Variants in IL16 observed in about 807,000 individuals in gnomAD.
IL16 encodes pro-interleukin-16.
In IL16, 67 loss-of-function variants were observed where a neutral mutation model predicts 110.1. That is an observed-to-expected ratio of 0.61 (90% CI 0.50 to 0.75). IL16 has a LOEUF of 0.75. IL16 is among the 30% of genes least tolerant of loss of function. IL16 has a pLI of 0.00. For missense variants in IL16, 1,545 were observed against 1,655.0 expected (o/e 0.93, Z 1.15); for synonymous variants, 689 against 662.9 (o/e 1.04, Z -0.61).
intron 2 of IL16, 128 bp from the exon 3 acceptor site, chr15:81,259,644 T>C: frequency 1.6e-6 from 1 of 629,792 alleles, no homozygotes; most frequent in Non-Finnish European, 2.9e-6. Context: ...GCTCTTATAG[T>C]ACTTATCATT....
At chr15:81,255,601 G>C (rs1295203348) in intron 2 of IL16, among the ~76,000 whole-genome samples, 2 of 152,200 alleles carry the variant, frequency 1.3e-5, no homozygotes, top group African/African-American at 4.8e-5. Context: ...GCTGTTCCCA[G>C]GTGCCATGGA....
rs960200674 is a variant in IL16, at chr15:81,314,045, G to A, written c.*5247G>A. ...AAAAATAGTTTTTTAAAATAAAAAT[G>A]TTATCTATGTTAACATGCAGTGCAT... is the stretch of plus-strand genomic sequence containing the variant. On this transcript the variant is annotated 3_prime_UTR_variant, in exon 19 of 19. Coordinates refer to ENST00000683961, the MANE Select transcript of IL16 (RefSeq NM_172217.5). The A allele has an allele frequency of 6.6e-6, 1 of 152,130 alleles. No individual in the cohort carries two copies. The highest frequency in any genetic ancestry group is 1.5e-5 in the Non-Finnish European group (1 of 67,992). 9.4% of individuals were successfully genotyped at this position (152,130 alleles called of 1,614,324 possible). A position where few individuals can be genotyped will look rare whatever the true frequency, so the allele number is the denominator to read the frequency against.
rs202027860 is a variant in IL16, at chr15:81,303,650, G to A, written c.3420G>A (p.Thr1140=). The change falls in exon 16 of 19, where the codon ACG becomes ACA. Residue 1140 remains threonine, a splice_region_variant and synonymous_variant. Coordinates refer to ENST00000683961, the MANE Select transcript of IL16 (RefSeq NM_172217.5). This position sits in a 1 kb window ranked among gnomAD's most constrained non-coding sequence, Gnocchi z 4.1. ...CAGATCTAGAAAACAAGGTGATTAC[G>A]GTGAGTGGCCAAGTGAAGGGGCATG... ...GGADLENKVI[T]VHRVFPNGLA... 35 of 1,600,264 alleles carry A rather than the reference G, an allele frequency of 2.2e-5. No homozygotes were observed. The highest frequency in any genetic ancestry group is 2.9e-5 in the Non-Finnish European group (34 of 1,167,478).
chr15:81,255,884 A>G (rs1407749554), intron 2 of IL16, among the ~76,000 whole-genome samples: 2 of 152,238 alleles, frequency 1.3e-5, no homozygotes, highest in African/African-American at 4.8e-5. Flanking sequence ...AGAGGATTAA[A>G]AGAAAGATGT....
At chr15:81,188,219 G>T (rs1720974465) in intron 1 of IL16, 1 of 417,778 alleles carries the variant, frequency 2.4e-6, no homozygotes, top group African/African-American at 2.0e-5. Context: ...GCACAAAATA[G>T]ATTGCAGGTA....
At chr15:81,261,711 A>C (rs1898164468) in intron 3 of IL16, among the ~76,000 whole-genome samples, 1 of 151,926 alleles carries the variant, frequency 6.6e-6, no homozygotes. Flanking sequence ...CAGAATCCCA[A>C]CTGAGTGTGC....
chr15:81,236,002 T>G (rs1274505522), intron 2 of IL16, among the ~76,000 whole-genome samples: 1 of 152,078 alleles, frequency 6.6e-6, no homozygotes, highest in African/African-American at 2.4e-5. Flanking sequence ...AGAGCTGCCC[T>G]CCTAAAAAGA....
At chr15:81,236,770 A>T (rs543597078) in intron 2 of IL16, among the ~76,000 whole-genome samples, 267 of 140,832 alleles carry the variant, frequency 1.9e-3, no homozygotes, top group Admixed American at 4.5e-3. Flanking sequence ...AGCCTGGCCA[A>T]CATGGCAAAA....
chr15:81,227,159 A>G (rs866061597), intron 2 of IL16, among the ~76,000 whole-genome samples: 54 of 152,250 alleles, frequency 3.5e-4, no homozygotes, highest in Admixed American at 2.0e-3. Flanking sequence ...TCCTTCCTTC[A>G]TTCAGTAAAT....
chr15:81,301,692 C>A (rs1900295600), intron 15 of IL16, among the ~76,000 whole-genome samples, 180 bp downstream of exon 15: 1 of 152,198 alleles, frequency 6.6e-6, no homozygotes, highest in Admixed American at 6.5e-5. Flanking sequence ...TTGAAGAGAG[C>A]CTTTTAGCTT....
rs1236768105 is a variant in IL16 at position 81,265,695 on chromosome 15, C to T, written c.458C>T (p.Pro153Leu). The change falls in exon 4 of 19, where the codon CCA (proline) becomes CTA (leucine). Residue 153 changes from proline (P) to leucine (L), a missense_variant. Pro to Leu is a moderately conservative substitution (Grantham distance 98). Around this residue, in one of 3 missense-constraint regions of IL16, gnomAD observed 1,185 missense variants for 1,238.8 expected, o/e 0.96. Coordinates refer to ENST00000683961, the MANE Select transcript of IL16 (RefSeq NM_172217.5). ...TATTGCACAAGAGAAATTGATTTTC[C>T]AATGACCAAGAAATCTGCAGCGCCC... ...NPYCTREIDF[P>L]MTKKSAAPTD... 6.2e-7 allele frequency: 1 copy of T among 1,614,104 alleles called. No individual in the cohort carries two copies.
At position 81,282,758 on chromosome 15, in the gene IL16, T is replaced by G; in HGVS notation, c.1199+2T>G. 6.2e-7 allele frequency: 1 copy of G among 1,601,300 alleles called. No homozygotes were observed. The highest frequency in any genetic ancestry group is 1.1e-5 in the South Asian group (1 of 90,824). Reference sequence around the variant, plus strand: ...GGCGCACCTGGACGGACGTCTCCGGTATGTCCTCACTTCTGTTTCTGAATA... The same window carrying G: ...GGCGCACCTGGACGGACGTCTCCGGGATGTCCTCACTTCTGTTTCTGAATA... On this transcript the variant is annotated splice_donor_variant, in intron 9 of 18. Transcript: ENST00000683961. LOFTEE classifies it high-confidence loss of function.
intron 1 of IL16, among the ~76,000 whole-genome samples, chr15:81,203,145 A>C (rs9673004): frequency 1.0e-3 from 139 of 138,782 alleles, no homozygotes; most frequent in African/African-American, 2.9e-3. Flanking sequence ...GTCTGTTCAT[A>C]TCCTTCACCC....
intron 2 of IL16, among the ~76,000 whole-genome samples, chr15:81,247,075 C>CCTTTTTTTTTTTTTTTTTTTTTTT (rs1491183966): frequency 1.8e-5 from 2 of 109,412 alleles, no homozygotes; most frequent in East Asian, 2.7e-4. Context: ...CTTTTCTTTT[C>CCTTTTTTTTTTTTTTTTTTTTTTT]CTTTTTTTTT....
At chr15:81,298,161 T>C (rs1007354432) in intron 13 of IL16, among the ~76,000 whole-genome samples, 3 of 152,232 alleles carry the variant, frequency 2.0e-5, no homozygotes, top group Non-Finnish European at 4.4e-5. Flanking sequence ...CATTCAAAAA[T>C]GCAGAAACAG....
At chr15:81,209,197 C>A (rs1482255164) in intron 1 of IL16, among the ~76,000 whole-genome samples, 1 of 152,106 alleles carries the variant, frequency 6.6e-6, no homozygotes, top group Non-Finnish European at 1.5e-5. Flanking sequence ...CAAACCAGAT[C>A]ATTCTTATTT....
intron 18 of IL16, 97 bp downstream of exon 18, chr15:81,306,642 C>T (rs1410007236): frequency 7.0e-7 from 1 of 1,432,042 alleles, no homozygotes; most frequent in Non-Finnish European, 9.7e-7. Context: ...TATGTTGTTT[C>T]CCACAACTCC....
At chr15:81,299,204 C>T in intron 13 of IL16, 176 bp from the exon 14 acceptor site, 1 of 965,636 alleles carries the variant, frequency 1.0e-6, no homozygotes, top group Non-Finnish European at 1.7e-6. Context: ...TCACTCCTGC[C>T]TGTTGGCAGC....
rs1900196074 is a variant in IL16, at chr15:81,300,087, G to C, written c.2761G>C (p.Glu921Gln). The C allele has an allele frequency of 1.3e-6, 2 of 1,578,982 alleles. No individual in the cohort carries two copies. The highest frequency in any genetic ancestry group is 4.5e-5 in the East Asian group (2 of 44,700). Residue 921 changes from glutamate (E) to glutamine (Q), a missense_variant, in exon 14 of 19, where the codon GAG becomes CAG. Physicochemically the swap from Glu to Gln is conservative, Grantham distance 29. Coordinates refer to ENST00000683961, the MANE Select transcript of IL16 (RefSeq NM_172217.5). Reference sequence around the variant, plus strand: ...CGAGGCCAGAGACCCAGGTGTGTCTGAGTCCCCTCCCCCAGGGCGGCAGCC... The same window carrying C: ...CGAGGCCAGAGACCCAGGTGTGTCTCAGTCCCCTCCCCCAGGGCGGCAGCC... ...ASEARDPGVS[E>Q]SPPPGRQPNQ...
Sources: gnomAD v4.1 joint callset for allele counts (sites outside exome capture counted in the v4.1 genomes callset) on GRCh38, gnomAD v4.1.1 for gene constraint, gnomAD v4.1.1 regional missense constraint, Gnocchi (gnomAD v3.1) non-coding constraint, MANE v1.5 for transcripts, NCBI Gene and HGNC (gene_info 2026-07-23, HGNC 2026-07-21) for gene names.